PARD3B: variants seen among roughly 807,000 people sequenced by gnomAD.
PARD3B encodes partitioning defective 3 homolog B.
Under a neutral mutation model 130.2 loss-of-function variants are expected in PARD3B, and 103 were observed. The ratio of observed to expected loss-of-function variants is 0.79; its 90% CI spans 0.67 to 0.93. The LOEUF is 0.93. PARD3B is among the 40% of genes least tolerant of loss of function. PARD3B has a pLI of 0.00. For missense variants in PARD3B, 1,609 were observed against 1,499.2 expected (o/e 1.07, Z -1.21); for synonymous variants, 583 against 553.2 (o/e 1.05, Z -0.76).
intron 2 of PARD3B, among the ~76,000 whole-genome samples, chr2:204,858,484 C>T (rs903632828): frequency 1.5e-5 from 2 of 137,626 alleles, no homozygotes; most frequent in African/African-American, 5.5e-5. Flanking sequence ...CATGAACTCA[C>T]TTATATGTGG....
rs118033800 is a variant in PARD3B, at chr2:205,437,782, C to T, written c.2742-2588C>T. ...AGAGAAAGAGGAGATTTAAACAATTCAAACGCAGTTTGCTCAGAAGAATGG... is the reference window on the plus strand; with the variant it reads ...AGAGAAAGAGGAGATTTAAACAATTTAAACGCAGTTTGCTCAGAAGAATGG... On this transcript the variant is annotated intron_variant, in intron 19 of 22. Transcript: ENST00000406610. Among the ~76,000 whole-genome samples the T allele has an allele frequency of 1.1e-3, 163 of 152,192 alleles. 2 individuals are homozygous for T. The East Asian group carries it at 0.031, about 29-fold the overall frequency.
In PARD3B at chr2:205,470,100, C is replaced by T. The variant is rs2048773394; in HGVS notation, c.3044+29428C>T. Among the ~76,000 whole-genome samples, 1 of 152,186 alleles carries T rather than the reference C, an allele frequency of 6.6e-6. No homozygotes were observed. Among genetic ancestry groups the T allele is most frequent in the African/African-American group, 2.4e-5 (1 of 41,444 alleles). On this transcript the variant is annotated intron_variant, in intron 20 of 22. Transcript: ENST00000406610. The surrounding 1 kb of genome is among the most constrained non-coding windows in gnomAD (Gnocchi z 4.8). Reference sequence around the variant, plus strand: ...TAATGTCTGTGTGCATCTTTCCTCACCTACAGACACACAGGGTGGAACTAA... The same window carrying T: ...TAATGTCTGTGTGCATCTTTCCTCATCTACAGACACACAGGGTGGAACTAA...
chr2:205,228,366 G>A (rs1389794379), intron 15 of PARD3B, among the ~76,000 whole-genome samples: 1 of 152,136 alleles, frequency 6.6e-6, no homozygotes. Flanking sequence ...ATTTATGCCA[G>A]ATATACTATT....
intron 20 of PARD3B, among the ~76,000 whole-genome samples, chr2:205,459,628 A>G (rs752575195): frequency 3.9e-5 from 6 of 152,206 alleles, no homozygotes; most frequent in African/African-American, 1.4e-4. Context: ...TTGAGGCCCT[A>G]CAGTCACTGT....
chr2:204,573,880 G>A (rs2032126031), intron 1 of PARD3B, among the ~76,000 whole-genome samples: 1 of 152,140 alleles, frequency 6.6e-6, no homozygotes, highest in East Asian at 1.9e-4. Context: ...AGACACTGAT[G>A]GCACCTGCTG....
chr2:205,472,727 A>G (rs1436486473), intron 20 of PARD3B, among the ~76,000 whole-genome samples: 2 of 152,176 alleles, frequency 1.3e-5, no homozygotes, highest in Non-Finnish European at 2.9e-5. Context: ...TCTGTAGTAC[A>G]CCATTTGAAG....
chr2:205,287,887 G>A lies in PARD3B; in HGVS notation c.2186-12643G>A, dbSNP rs1236120152. Among the ~76,000 whole-genome samples the A allele has an allele frequency of 2.6e-5, 4 of 152,074 alleles. 1 individual carries two copies. The highest frequency in any genetic ancestry group is 9.7e-5 in the African/African-American group (4 of 41,400). On this transcript the variant is annotated intron_variant, in intron 16 of 22. Transcript: ENST00000406610. This position sits in a 1 kb window ranked among gnomAD's most constrained non-coding sequence, Gnocchi z 4.8. ...CTGATCATAGAGTTCCCTGAGGGAA[G>A]GTTATTAATGGAAGTATCACCTTCT...
intron 2 of PARD3B, among the ~76,000 whole-genome samples, chr2:204,822,110 A>G (rs912221480): frequency 6.6e-6 from 1 of 152,246 alleles, no homozygotes; most frequent in African/African-American, 2.4e-5. Context: ...AAGAACATCC[A>G]TGATTCACAG....
chr2:205,039,113 T>C (rs1023890306), intron 3 of PARD3B, among the ~76,000 whole-genome samples: 7 of 152,070 alleles, frequency 4.6e-5, no homozygotes, highest in Non-Finnish European at 1.0e-4. Flanking sequence ...TGTTGTGCAG[T>C]TTTTTTGGCA....
chr2:205,601,019 C>G (rs2054764505), intron 22 of PARD3B, among the ~76,000 whole-genome samples: 1 of 152,126 alleles, frequency 6.6e-6, no homozygotes, highest in African/African-American at 2.4e-5. Flanking sequence ...GGTATATACC[C>G]AATAATGAGA....
At chr2:204,954,532 A>G (rs1690069738) in intron 2 of PARD3B, among the ~76,000 whole-genome samples, 1 of 152,210 alleles carries the variant, frequency 6.6e-6, no homozygotes, top group African/African-American at 2.4e-5. Context: ...TGTAGTACCA[A>G]TTAATCACCA....
intron 3 of PARD3B, among the ~76,000 whole-genome samples, chr2:205,027,150 T>C (rs1697094443): frequency 6.6e-6 from 1 of 152,312 alleles, no homozygotes; most frequent in African/African-American, 2.4e-5. Context: ...CTGTTCTCTA[T>C]AATGACTGCA....
intron 2 of PARD3B, among the ~76,000 whole-genome samples, chr2:204,923,485 C>T (rs2047761397): frequency 6.6e-6 from 1 of 151,814 alleles, no homozygotes; most frequent in Non-Finnish European, 1.5e-5. Flanking sequence ...ATTCAGTCAG[C>T]CTTAACCCTA....
chr2:205,507,705 G>T (rs1198834540), intron 21 of PARD3B, among the ~76,000 whole-genome samples: 8 of 152,116 alleles, frequency 5.3e-5, no homozygotes, highest in Admixed American at 5.2e-4. Context: ...ACAACTTCGA[G>T]TTCTAATAAT....
rs2047044854 is a variant in PARD3B, at chr2:204,906,417, G to GTGTA, written c.223-58729_223-58726dup. On this transcript the variant is annotated intron_variant, in intron 2 of 22. Coordinates refer to ENST00000406610, the MANE Select transcript of PARD3B (RefSeq NM_001302769.2). This position sits in a 1 kb window ranked among gnomAD's most constrained non-coding sequence, Gnocchi z 4.3. ...TTTCTCTTTTCATTGGTGTGTGTGT[G>GTGTA]TGTATGTATAAATGAATGAATATGG... 7.2e-5 allele frequency among the ~76,000 whole-genome samples: 11 copies of GTGTA among 152,298 alleles called. No homozygotes were observed. In the South Asian group the frequency reaches 2.3e-3, roughly 32 times the overall value.
chr2:204,949,324 C>CT (rs1300803462), intron 2 of PARD3B, among the ~76,000 whole-genome samples: 4 of 151,626 alleles, frequency 2.6e-5, no homozygotes, highest in African/African-American at 9.7e-5. Flanking sequence ...TTCTTTCTTT[C>CT]TTCTTTTTTT....
At chr2:205,442,206 G>A (rs1006688771) in intron 20 of PARD3B, among the ~76,000 whole-genome samples, 1 of 151,102 alleles carries the variant, frequency 6.6e-6, no homozygotes, top group African/African-American at 2.4e-5. Context: ...TAAATGTGAG[G>A]CATTTTATAA....
rs144284119 is a variant in PARD3B at position 205,608,013 on chromosome 2, A to G, written c.3261-7443A>G. Among the ~76,000 whole-genome samples, 767 of 152,310 alleles carry G rather than the reference A, an allele frequency of 5.0e-3. 8 individuals carry two copies. The highest frequency in any genetic ancestry group is 0.017 in the African/African-American group (726 of 41,576). On this transcript the variant is annotated intron_variant, in intron 22 of 22. Transcript: ENST00000406610. ...CCTATTGCACAGGCTTTAGAAATTA[A>G]TGGGAGGGGAAAGGGGTCAGGTAAA... is the stretch of plus-strand genomic sequence containing the variant.
At chr2:204,701,199 T>G (rs993615830) in intron 2 of PARD3B, among the ~76,000 whole-genome samples, 1 of 152,164 alleles carries the variant, frequency 6.6e-6, no homozygotes, top group Admixed American at 6.5e-5. Context: ...TTTAGCTTCC[T>G]TCCTTTGCTT....
Sources: allele counts gnomAD v4.1 joint callset (sites outside exome capture counted in the v4.1 genomes callset), GRCh38; gene constraint gnomAD v4.1.1; non-coding constraint Gnocchi (gnomAD v3.1); transcripts MANE v1.5; gene names NCBI Gene and HGNC (gene_info 2026-07-23, HGNC 2026-07-21).